Variants in PRKN observed in about 807,000 individuals in gnomAD.
PRKN encodes the protein parkin RBR E3 ubiquitin protein ligase, also known as E3 ubiquitin-protein ligase parkin.
PRKN carries 56 observed loss-of-function variants against 59.5 expected under a neutral mutation model. That is an observed-to-expected ratio of 0.94 (90% CI 0.76 to 1.18). The LOEUF is 1.18. Ranked by LOEUF, PRKN falls within the 50% of genes most tolerant of loss-of-function variation. PRKN has a pLI of 0.00. For missense variants in PRKN, 657 were observed against 596.4 expected (o/e 1.10, Z -1.06); for synonymous variants, 250 against 222.1 (o/e 1.13, Z -1.12).
chr6:162,538,008 A>G (rs1778787686), intron 1 of PRKN, among the ~76,000 whole-genome samples: 1 of 152,200 alleles, frequency 6.6e-6, no homozygotes, highest in South Asian at 2.1e-4. Flanking sequence ...TTGTTTTGAT[A>G]CTGGTATAAA....
intron 3 of PRKN, among the ~76,000 whole-genome samples, chr6:162,255,487 TTGAGGATCTTATTAAAATG>T (rs1343805869): frequency 1.1e-4 from 17 of 152,222 alleles, no homozygotes; most frequent in African/African-American, 4.1e-4. Context: ...CACTATTCAC[TTGAGGATCTTATTAAAATG>T]AAGGTTACTG....
At chr6:161,686,604 T>G (rs1035841449) in intron 7 of PRKN, among the ~76,000 whole-genome samples, 3 of 152,202 alleles carry the variant, frequency 2.0e-5, no homozygotes, top group Admixed American at 6.5e-5. Context: ...AGATTTGAAT[T>G]AAACATCCCC....
At chr6:162,199,546 T>G (rs1583187468) in intron 4 of PRKN, among the ~76,000 whole-genome samples, 1 of 151,950 alleles carries the variant, frequency 6.6e-6, no homozygotes, top group Non-Finnish European at 1.5e-5. Flanking sequence ...TAGGCACAGA[T>G]TGGGGTAGAT....
intron 7 of PRKN, among the ~76,000 whole-genome samples, chr6:161,697,951 T>A (rs571848687): frequency 6.0e-4 from 91 of 152,240 alleles, no homozygotes; most frequent in Non-Finnish European, 1.1e-3. Flanking sequence ...ATTACCCTTA[T>A]AAAAGGTTCC....
intron 3 of PRKN, among the ~76,000 whole-genome samples, chr6:162,240,527 C>T (rs1778941977): frequency 6.6e-6 from 1 of 152,072 alleles, no homozygotes; most frequent in South Asian, 2.1e-4. Flanking sequence ...AAAAATTAGG[C>T]TAGCAAATGA....
At chr6:161,366,067 G>T (rs1183187443) in intron 10 of PRKN, among the ~76,000 whole-genome samples, 2 of 152,218 alleles carry the variant, frequency 1.3e-5, no homozygotes, top group East Asian at 3.8e-4. Context: ...CCAAGGTGAT[G>T]CTACTGGAAG....
intron 6 of PRKN, among the ~76,000 whole-genome samples, chr6:161,863,528 A>G (rs1322256912): frequency 1.3e-5 from 2 of 151,746 alleles, no homozygotes; most frequent in African/African-American, 4.9e-5. Flanking sequence ...GAGTTTAGAA[A>G]GATATTTGCT....
chr6:162,283,555 T>C (rs1781022995), intron 2 of PRKN, among the ~76,000 whole-genome samples: 1 of 152,242 alleles, frequency 6.6e-6, no homozygotes. Context: ...ACAGTCTTGC[T>C]CTGTCGCCCA....
intron 1 of PRKN, among the ~76,000 whole-genome samples, chr6:162,633,369 A>C (rs376078842): frequency 7.7e-6 from 1 of 130,350 alleles, no homozygotes; most frequent in East Asian, 2.6e-4. Context: ...CAGGAGGCGG[A>C]GGTTGCAGTG....
chr6:161,453,646 G>A (rs543882793), intron 9 of PRKN, among the ~76,000 whole-genome samples: 2 of 152,178 alleles, frequency 1.3e-5, no homozygotes, highest in South Asian at 4.2e-4. Flanking sequence ...AGACTTGGGG[G>A]CCTCCATGGC....
intron 1 of PRKN, among the ~76,000 whole-genome samples, chr6:162,713,552 A>G (rs1778619947): frequency 6.6e-6 from 1 of 152,078 alleles, no homozygotes; most frequent in Non-Finnish European, 1.5e-5. Flanking sequence ...GAAGGCAGAA[A>G]AAGTATGCCA....
intron 6 of PRKN, among the ~76,000 whole-genome samples, chr6:161,846,078 A>C (rs1325348827): frequency 1.3e-5 from 2 of 152,206 alleles, no homozygotes; most frequent in African/African-American, 4.8e-5. Context: ...AGATAAAAAT[A>C]GGCTCCAAGG....
At chr6:162,617,812 A>T (rs1030046522) in intron 1 of PRKN, among the ~76,000 whole-genome samples, 3 of 152,146 alleles carry the variant, frequency 2.0e-5, no homozygotes, top group Admixed American at 6.6e-5. Flanking sequence ...AATAACTAAC[A>T]AGTAATAGTA....
At chr6:162,052,136 T>A (rs1247261519) in intron 5 of PRKN, among the ~76,000 whole-genome samples, 2 of 152,206 alleles carry the variant, frequency 1.3e-5, no homozygotes, top group East Asian at 3.9e-4. Flanking sequence ...TTTTATTTTT[T>A]AAATCTATTA....
At chr6:162,095,472 T>C (rs922011626) in intron 4 of PRKN, among the ~76,000 whole-genome samples, 1 of 152,166 alleles carries the variant, frequency 6.6e-6, no homozygotes, top group East Asian at 1.9e-4. Flanking sequence ...TTTTATAGTT[T>C]ACATGGAGAG....
intron 6 of PRKN, among the ~76,000 whole-genome samples, chr6:161,915,810 T>C (rs1778534423): frequency 6.6e-6 from 1 of 152,176 alleles, no homozygotes; most frequent in South Asian, 2.1e-4. Flanking sequence ...GACATAGCAT[T>C]GCGGTTCAGA....
At chr6:162,182,304 T>C (rs944279654) in intron 4 of PRKN, among the ~76,000 whole-genome samples, 51 of 152,174 alleles carry the variant, frequency 3.4e-4, no homozygotes, top group Admixed American at 3.1e-3. Flanking sequence ...TTAGAATGGG[T>C]GTAAACTTGA....
rs1466727746 is a variant in PRKN at position 162,348,668 on chromosome 6, CTTA to C, written c.172-85906_172-85904del. On this transcript the variant is annotated intron_variant, in intron 2 of 11. Coordinates refer to ENST00000366898, the MANE Select transcript of PRKN (RefSeq NM_004562.3). The stretch of plus-strand genomic sequence containing the variant: ...GTCTCCTATGGTTTTGTTGCATATT[CTTA>C]TTATTTCTTTTTACAACCCTTTAAA... Among the ~76,000 whole-genome samples the C allele has an allele frequency of 2.0e-5, 3 of 152,160 alleles. No homozygotes were observed. In the South Asian group the frequency reaches 6.2e-4, roughly 32 times the overall value.
intron 1 of PRKN, among the ~76,000 whole-genome samples, chr6:162,487,474 C>A (rs183075544): frequency 1.5e-3 from 226 of 152,272 alleles, no homozygotes; most frequent in African/African-American, 5.2e-3. Flanking sequence ...GGGCTTTTTA[C>A]GCTCCCTGTC....
Sources: gnomAD v4.1 joint callset for allele counts (sites outside exome capture counted in the v4.1 genomes callset) on GRCh38, gnomAD v4.1.1 for gene constraint, MANE v1.5 for transcripts, NCBI Gene and HGNC (gene_info 2026-07-23, HGNC 2026-07-21) for gene names.